The following DCAF8L2 variants were observed in gnomAD, a reference collection of about 807,000 sequenced individuals.
DCAF8L2 encodes DDB1- and CUL4-associated factor 8-like protein 2.
For synonymous variants in DCAF8L2, 200 were observed against 190.9 expected (o/e 1.05, Z -0.39); for missense variants, 430 against 490.7 (o/e 0.88, Z 1.17).
chrX:27,547,857 C>CTT, the DCAF8L2 span, among the ~76,000 whole-genome samples: 1 of 78,704 alleles, frequency 1.3e-5, no homozygotes, highest in South Asian at 7.9e-4. Flanking sequence ...CTCTCTCTCT[C>CTT]TCTCTCTCTC....
the DCAF8L2 span, among the ~76,000 whole-genome samples, chrX:27,503,694 C>T: frequency 1.8e-5 from 2 of 111,144 alleles, no homozygotes; most frequent in African/African-American, 6.5e-5. Flanking sequence ...TATAGCAAGT[C>T]TTAAAATCAG....
intron 4 of DCAF8L2, among the ~76,000 whole-genome samples, chrX:27,728,642 C>G (rs921121435): frequency 9.0e-5 from 10 of 111,565 alleles, no homozygotes; most frequent in Admixed American, 2.9e-4. Context: ...GACATCCTCT[C>G]TTCTCAGAAA....
chrX:27,566,122 C>T, the DCAF8L2 span, among the ~76,000 whole-genome samples: 5 of 109,521 alleles, frequency 4.6e-5, no homozygotes, highest in East Asian at 8.6e-4. Flanking sequence ...CAACTCCCGC[C>T]CCCCCGACCC....
chrX:27,543,001 T>A, the DCAF8L2 span, among the ~76,000 whole-genome samples: 1 of 112,264 alleles, frequency 8.9e-6, no homozygotes, highest in African/African-American at 3.2e-5. Context: ...TAGATCCCAC[T>A]TGTCAATTTT....
At chrX:27,708,061 G>C (rs1453686579) in intron 3 of DCAF8L2, among the ~76,000 whole-genome samples, 1 of 110,531 alleles carries the variant, frequency 9.0e-6, no homozygotes, top group Non-Finnish European at 1.9e-5. Flanking sequence ...TTTTTACCTG[G>C]ATATATTGAG....
the DCAF8L2 span, among the ~76,000 whole-genome samples, chrX:27,547,821 CTCTCTCTCTCTCTCTCTCTCTCTT>C: frequency 3.1e-4 from 27 of 86,660 alleles, no homozygotes; most frequent in African/African-American, 6.6e-4. Flanking sequence ...TCCCCATTTG[CTCTCTCTCTCTCTCTCTCTCTCTT>C]TCTCTCTCTC....
intron 1 of DCAF8L2, among the ~76,000 whole-genome samples, chrX:27,624,526 G>T (rs948304633): frequency 9.0e-6 from 1 of 110,765 alleles, no homozygotes; most frequent in Non-Finnish European, 1.9e-5. Context: ...AACTCATATG[G>T]AATCAAAAAA....
chrX:27,575,387 A>C, the DCAF8L2 span, among the ~76,000 whole-genome samples: 2 of 111,155 alleles, frequency 1.8e-5, no homozygotes, highest in Non-Finnish European at 3.8e-5. Flanking sequence ...GTCTTGGAAA[A>C]TGCAACATTT....
At chrX:27,500,078 C>G in the DCAF8L2 span, among the ~76,000 whole-genome samples, 1 of 111,424 alleles carries the variant, frequency 9.0e-6, no homozygotes, top group African/African-American at 3.3e-5. Context: ...ATGTGTTCTT[C>G]TAAAGTATAG....
chrX:27,626,780 C>A (rs1283302940), intron 1 of DCAF8L2, among the ~76,000 whole-genome samples: 1 of 111,331 alleles, frequency 9.0e-6, no homozygotes, highest in Non-Finnish European at 1.9e-5. Context: ...AAGAAAGATT[C>A]CTGCTATCAT....
At chrX:27,569,564 A>T in the DCAF8L2 span, among the ~76,000 whole-genome samples, 24 of 112,193 alleles carry the variant, frequency 2.1e-4, no homozygotes, top group African/African-American at 6.5e-4. Flanking sequence ...TGTATAAGGG[A>T]TTGTCTAATT....
chrX:27,627,925 T>TAA (rs34205237), intron 1 of DCAF8L2, among the ~76,000 whole-genome samples: 21,312 of 93,338 alleles, frequency 0.23, 2,705 homozygotes, highest in African/African-American at 0.43. Context: ...AGACTCCATC[T>TAA]AAAAAAAAAA....
intron 4 of DCAF8L2, among the ~76,000 whole-genome samples, chrX:27,733,838 T>C (rs1274314401): frequency 1.8e-5 from 2 of 111,811 alleles, no homozygotes; most frequent in Non-Finnish European, 3.8e-5. Flanking sequence ...TAGTTGATCA[T>C]GTGTGGTTGG....
chrX:27,713,605 G>C (rs751454195), intron 3 of DCAF8L2, among the ~76,000 whole-genome samples: 2 of 111,957 alleles, frequency 1.8e-5, no homozygotes, highest in South Asian at 3.7e-4. Context: ...ATTATACATT[G>C]TTTATTTGCT....
chrX:27,747,414 G>A lies in DCAF8L2; in HGVS notation c.519G>A (p.Glu173=). The A allele has an allele frequency of 8.5e-7, 1 of 1,171,976 alleles. No individual in the cohort carries two copies. Among genetic ancestry groups the A allele is most frequent in the Non-Finnish European group, 1.1e-6 (1 of 875,326 alleles). The change falls in exon 5 of 5, where the codon GAG becomes GAA. Residue 173 remains glutamate (E), a synonymous_variant. Coordinates refer to ENST00000451261, the MANE Select transcript of DCAF8L2 (RefSeq NM_001353450.2). ...YSLEEDQALE[E]WVSSETSALP... ...TAGAGGAGGATCAGGCGCTGGAGGA[G>A]TGGGTTTCCTCAGAGACATCTGCCC...
chrX:27,548,677 C>A, the DCAF8L2 span, among the ~76,000 whole-genome samples: 13 of 111,755 alleles, frequency 1.2e-4, no homozygotes, highest in Non-Finnish European at 2.1e-4. Context: ...GGTCAACATA[C>A]AGATATAAGG....
At chrX:27,637,398 T>C (rs1928546454) in intron 2 of DCAF8L2, among the ~76,000 whole-genome samples, 1 of 111,909 alleles carries the variant, frequency 8.9e-6, no homozygotes. Flanking sequence ...TACCCAAATA[T>C]ATGCTCTTAC....
intron 4 of DCAF8L2, among the ~76,000 whole-genome samples, chrX:27,721,637 A>C (rs957875973): frequency 1.8e-5 from 2 of 111,625 alleles, no homozygotes; most frequent in Non-Finnish European, 3.8e-5. Flanking sequence ...TGTTTAAAAT[A>C]ATAAAGTAGA....
At chrX:27,723,171 A>G (rs1015175523) in intron 4 of DCAF8L2, among the ~76,000 whole-genome samples, 1 of 110,363 alleles carries the variant, frequency 9.1e-6, no homozygotes, top group Non-Finnish European at 1.9e-5. Flanking sequence ...CATTCCCCCA[A>G]AGTTAATTTA....
Sources: allele counts gnomAD v4.1 joint callset (sites outside exome capture counted in the v4.1 genomes callset), GRCh38; gene constraint gnomAD v4.1.1; transcripts MANE v1.5; gene names NCBI Gene and HGNC (gene_info 2026-07-23, HGNC 2026-07-21).